Variants in SRP14 observed in about 807,000 individuals in gnomAD.
SRP14 encodes signal recognition particle 14.
Under a neutral mutation model 16.0 loss-of-function variants are expected in SRP14, and 1 was observed. The observed-to-expected ratio is 0.06, with a 90% CI of 0.02 to 0.30. SRP14 has a LOEUF of 0.30. Ranked by LOEUF, SRP14 falls within the 10% of genes least tolerant of loss-of-function variation. The pLI is 1.00. For missense variants in SRP14, 120 were observed against 163.1 expected (o/e 0.74, Z 1.44); for synonymous variants, 67 against 60.1 (o/e 1.12, Z -0.53).
chr15:40,037,755 C>T (rs1175583376), intron 3 of SRP14, among the ~76,000 whole-genome samples: 1 of 152,234 alleles, frequency 6.6e-6, no homozygotes, highest in Non-Finnish European at 1.5e-5. Flanking sequence ...GTATCCTACA[C>T]TAATGTGATT....
In SRP14 at chr15:40,037,387, A is replaced by G. The variant is rs766788844; in HGVS notation, c.211-369T>C. 1.4e-5 allele frequency: 17 copies of G among 1,227,116 alleles called. No homozygotes were observed. In the Admixed American group the frequency reaches 4.3e-4, roughly 31 times the overall value. 76.0% of individuals were successfully genotyped at this position (1,227,116 alleles called of 1,614,324 possible). ...AAAGTCAGAGGACTTCTCAGTATTA[A>G]TTTTTTATACATTAATAGAAGATAT... On this transcript the variant is annotated intron_variant, in intron 3 of 4. Transcript: ENST00000267884.
At chr15:40,036,954 GAA>G (rs1183287434) in intron 4 of SRP14, 30 bp downstream of exon 4, 1 of 1,612,400 alleles carries the variant, frequency 6.2e-7, no homozygotes, top group African/African-American at 1.3e-5. Flanking sequence ...CTTGCCCTGA[GAA>G]GGGAAACATA....
intron 3 of SRP14, 40 bp from the exon 4 acceptor site, chr15:40,037,058 T>C (rs779890492): frequency 1.2e-6 from 2 of 1,605,570 alleles, no homozygotes; most frequent in African/African-American, 2.7e-5. Flanking sequence ...CTATTATCCA[T>C]ATAAGCATCC....
intron 3 of SRP14, 148 bp from the exon 4 acceptor site, chr15:40,037,166 T>A (rs1455675829): frequency 8.1e-7 from 1 of 1,240,938 alleles, no homozygotes; most frequent in East Asian, 2.6e-5. Flanking sequence ...AATACACGAA[T>A]GGTTATTTTT....
chr15:40,037,216 C>G, intron 3 of SRP14, 198 bp from the exon 4 acceptor site: 1 of 1,222,468 alleles, frequency 8.2e-7, no homozygotes, highest in Non-Finnish European at 1.1e-6. Context: ...AGAAAAGGAG[C>G]TCTGCATCTT....
At chr15:40,037,676 T>C in intron 3 of SRP14, among the ~76,000 whole-genome samples, 1 of 23,818 alleles carries the variant, frequency 4.2e-5, no homozygotes, top group East Asian at 3.3e-4. Flanking sequence ...AAGCTTGTTT[T>C]ACTGTAGAAG....
At chr15:40,038,436 T>G in intron 2 of SRP14, 42 bp from the exon 3 acceptor site, 1 of 1,353,702 alleles carries the variant, frequency 7.4e-7, no homozygotes, top group Non-Finnish European at 1.1e-6. Flanking sequence ...GCCGCGTACG[T>G]GGCTGAGCGG....
intron 4 of SRP14, 164 bp downstream of exon 4, chr15:40,036,822 C>T (rs902047835): frequency 1.2e-5 from 9 of 767,540 alleles, no homozygotes; most frequent in South Asian, 9.7e-5. Context: ...GAAAGGAAGA[C>T]GGTATTAGCA....
chr15:40,037,294 A>AAAAAAAAAAAAAAAAT, intron 3 of SRP14: 13 of 1,352,512 alleles, frequency 9.6e-6, no homozygotes, highest in Middle Eastern at 2.0e-4. Context: ...AAAAAAAAAA[A>AAAAAAAAAAAAAAAAT]GCTTTGTTTC....
At chr15:40,038,134 C>T in intron 3 of SRP14, 148 bp downstream of exon 3, 1 of 652,974 alleles carries the variant, frequency 1.5e-6, no homozygotes, top group Non-Finnish European at 2.7e-6. Context: ...GAGGTTTCCA[C>T]TACTAAAGTA....
chr15:40,038,931 G>A lies in SRP14; in HGVS notation c.42C>T (p.Thr14=), dbSNP rs768769949. The A allele has an allele frequency of 2.0e-5, 33 of 1,613,118 alleles. No homozygotes were observed. The highest frequency in any genetic ancestry group is 1.3e-4 in the South Asian group (12 of 90,950). The change falls in exon 2 of 5, where the codon ACC becomes ACT. Residue 14 remains threonine, a synonymous_variant. Coordinates refer to ENST00000267884, the MANE Select transcript of SRP14 (RefSeq NM_003134.6). ...ACGTCCGGCACTTCTGGAAAAGTCT[G>A]GTCAGCTCCGTCAGGAACTGGAAAA... ...LESEQFLTEL[T]RLFQKCRTSG...
Position 40,039,065 on chromosome 15 carries a change from T to C in SRP14, c.24+28A>G, listed in dbSNP as rs980212077. ...TCGAGTAACGCCTGAGCCGCCCCCT[T>C]CCCTCGGCCGGCCAGGCCTAGCCAT... On this transcript the variant is annotated intron_variant, in intron 1 of 4. Transcript: ENST00000267884. The C allele has an allele frequency of 3.1e-6, 5 of 1,605,442 alleles. No individual in the cohort carries two copies. In the Middle Eastern group the frequency reaches 8.7e-4, roughly 281 times the overall value.
In SRP14 at chr15:40,036,278, A is replaced by G. The variant is rs11542831; in HGVS notation, c.*55T>C. 1 of 1,603,076 alleles carries G rather than the reference A, an allele frequency of 6.2e-7. No individual in the cohort carries two copies. Among genetic ancestry groups the G allele is most frequent in the Non-Finnish European group, 8.5e-7 (1 of 1,171,446 alleles). ...ACCAGAAACCTAGCTATCTGGCCAA[A>G]AGGAAAAAATAGCAATTCAGTGGTT... On this transcript the variant is annotated 3_prime_UTR_variant, in exon 5 of 5. Coordinates refer to ENST00000267884, the MANE Select transcript of SRP14 (RefSeq NM_003134.6).
At position 40,039,134 on chromosome 15, in the gene SRP14, G is replaced by A. The variant is rs373938206; in HGVS notation, c.-18C>T. 167 of 1,608,090 alleles carry A rather than the reference G, an allele frequency of 1.0e-4. 1 individual carries two copies. The highest frequency in any genetic ancestry group is 1.3e-4 in the Non-Finnish European group (149 of 1,178,258). ...AACACCATCGCGGCGACGCTGGCTCGACTCCCTCCGCTTAAGCCCCTAGCA... is the reference window on the plus strand; with the variant it reads ...AACACCATCGCGGCGACGCTGGCTCAACTCCCTCCGCTTAAGCCCCTAGCA... On this transcript the variant is annotated 5_prime_UTR_variant, in exon 1 of 5. Transcript: ENST00000267884.
intron 3 of SRP14, among the ~76,000 whole-genome samples, chr15:40,037,530 G>T (rs1012860293): frequency 6.6e-6 from 1 of 151,854 alleles, no homozygotes; most frequent in Non-Finnish European, 1.5e-5. Flanking sequence ...CACTCCTTAG[G>T]TTTTTGTTAT....
rs969813299 is a variant in SRP14, at chr15:40,038,782, A to G, written c.97+94T>C. On this transcript the variant is annotated intron_variant, in intron 2 of 4. Transcript: ENST00000267884. ...TGCTCAGTACAGGGTGGGGAAAGGT[A>G]GAGGAAGGCGGCGGTCCGCGGCAGA... 40 of 1,342,456 alleles carry G rather than the reference A, an allele frequency of 3.0e-5. 1 individual carries two copies. Among genetic ancestry groups the G allele is most frequent in the Middle Eastern group, 4.8e-4 (2 of 4,156 alleles). The allele number at this position is 1,342,456 out of a possible 1,614,324, so 83.2% of individuals were successfully genotyped here.
At position 40,035,842 on chromosome 15, in the gene SRP14, CA is replaced by C. The variant is rs1185665809; in HGVS notation, c.*490del. 3 of 153,608 alleles carry C rather than the reference CA, an allele frequency of 2.0e-5. No individual in the cohort carries two copies. Among genetic ancestry groups the C allele is most frequent in the African/African-American group, 7.2e-5 (3 of 41,426 alleles). 9.5% of individuals were successfully genotyped at this position (153,608 alleles called of 1,614,324 possible). On this transcript the variant is annotated 3_prime_UTR_variant, in exon 5 of 5. Transcript: ENST00000267884. ...TGAGAACTCATCGAAACTGGGGAACCATGATGATAAAATTATACAGCCAGGT... is the reference window on the plus strand; with the variant it reads ...TGAGAACTCATCGAAACTGGGGAACCTGATGATAAAATTATACAGCCAGGT...
chr15:40,038,428 C>T (rs8041057), intron 2 of SRP14, 34 bp from the exon 3 acceptor site: 962,475 of 1,451,416 alleles, frequency 0.66, 329,760 homozygotes, highest in Non-Finnish European at 0.71. Context: ...TGAACACGGC[C>T]GCGTACGTGG....
chr15:40,036,541 CA>C, intron 4 of SRP14, 41 bp from the exon 5 acceptor site: 1 of 1,591,748 alleles, frequency 6.3e-7, no homozygotes, highest in Non-Finnish European at 8.6e-7. Flanking sequence ...GGAAGATGTG[CA>C]AACTGGCAGA....
Sources: gnomAD v4.1 joint callset for allele counts (sites outside exome capture counted in the v4.1 genomes callset) on GRCh38, gnomAD v4.1.1 for gene constraint, MANE v1.5 for transcripts, NCBI Gene and HGNC (gene_info 2026-07-23, HGNC 2026-07-21) for gene names.